Variants in SLIT3 observed in about 807,000 individuals in gnomAD.
SLIT3 encodes the protein slit guidance ligand 3.
SLIT3 carries 68 observed loss-of-function variants against 184.0 expected under a neutral mutation model. That is an observed-to-expected ratio of 0.37 (90% CI 0.30 to 0.45). The LOEUF is 0.45. SLIT3 is among the 20% of genes least tolerant of loss of function. The probability of loss-of-function intolerance (pLI) is 1.00; values close to 1 mark genes in which losing one functional copy is unlikely to be tolerated. For missense variants in SLIT3, 1,707 were observed against 2,026.0 expected (o/e 0.84, Z 3.02); for synonymous variants, 831 against 828.6 (o/e 1.00, Z -0.05).
chr5:168,757,473 C>G (rs766754078), intron 16 of SLIT3, among the ~76,000 whole-genome samples: 27 of 152,156 alleles, frequency 1.8e-4, no homozygotes, highest in Non-Finnish European at 2.8e-4. Context: ...TCACTCTGTC[C>G]CCCAAGCTAG....
At chr5:169,237,720 A>G (rs1480754994) in intron 3 of SLIT3, among the ~76,000 whole-genome samples, 1 of 152,124 alleles carries the variant, frequency 6.6e-6, no homozygotes, top group African/African-American at 2.4e-5. Context: ...TGAAGTGCCT[A>G]TTTGAATCTT....
chr5:169,110,834 C>T (rs558221883), intron 4 of SLIT3, among the ~76,000 whole-genome samples: 21 of 152,334 alleles, frequency 1.4e-4, no homozygotes, highest in African/African-American at 5.1e-4. Flanking sequence ...AGCCAACTGT[C>T]CACTTCCCAG....
In SLIT3 at chr5:169,174,768, C is replaced by G. The variant is rs373477094; in HGVS notation, c.413+18711G>C. On this transcript the variant is annotated intron_variant, in intron 4 of 35. Transcript: ENST00000519560. ...GAGCCAAGAGCTTTCCCAGTGTGAT[C>G]AAAAGAAAAAAAAAAGTGACAGCCT... 8.0e-5 allele frequency among the ~76,000 whole-genome samples: 12 copies of G among 150,924 alleles called. No individual in the cohort carries two copies. In the East Asian group the frequency reaches 2.1e-3, roughly 27 times the overall value.
intron 4 of SLIT3, among the ~76,000 whole-genome samples, chr5:169,010,786 C>T (rs927364754): frequency 5.9e-5 from 9 of 151,910 alleles, no homozygotes; most frequent in African/African-American, 1.9e-4. Context: ...GCCTGCAGTC[C>T]CAGCTACTTG....
chr5:169,080,451 G>A (rs1029988399), intron 4 of SLIT3, among the ~76,000 whole-genome samples: 1 of 152,204 alleles, frequency 6.6e-6, no homozygotes, highest in Non-Finnish European at 1.5e-5. Context: ...AAGGCAAGGA[G>A]TCTGCGGCTG....
intron 4 of SLIT3, among the ~76,000 whole-genome samples, chr5:169,179,089 A>C (rs959409470): frequency 6.6e-6 from 1 of 152,160 alleles, no homozygotes. Context: ...TTTGGAAAAC[A>C]TTAATATTTT....
At chr5:169,067,038 C>T (rs548265899) in intron 4 of SLIT3, among the ~76,000 whole-genome samples, 13 of 151,340 alleles carry the variant, frequency 8.6e-5, no homozygotes, top group Non-Finnish European at 1.2e-4. Context: ...GATTATTATT[C>T]GCTTCCTGTT....
intron 4 of SLIT3, among the ~76,000 whole-genome samples, chr5:168,966,939 T>A (rs1032155707): frequency 6.6e-6 from 1 of 152,194 alleles, no homozygotes; most frequent in Non-Finnish European, 1.5e-5. Context: ...ACATAACTTT[T>A]TATTTAAGAG....
At chr5:168,947,766 T>C (rs769216942) in intron 4 of SLIT3, among the ~76,000 whole-genome samples, 11 of 151,852 alleles carry the variant, frequency 7.2e-5, no homozygotes, top group Non-Finnish European at 1.5e-4. Context: ...GCCTGAAAGG[T>C]AGTTTTTTTG....
intron 16 of SLIT3, among the ~76,000 whole-genome samples, chr5:168,759,976 G>A (rs538995922): frequency 6.0e-4 from 91 of 152,326 alleles, no homozygotes; most frequent in Non-Finnish European, 1.1e-3. Flanking sequence ...GGGGGACCCC[G>A]CACGGAAGAT....
rs148702172 is a variant in SLIT3 at position 168,923,256 on chromosome 5, C to T, written c.414-39920G>A. 2.9e-3 allele frequency among the ~76,000 whole-genome samples: 449 copies of T among 152,238 alleles called. 3 individuals carry two copies. Among genetic ancestry groups the T allele is most frequent in the African/African-American group, 0.01 (426 of 41,552 alleles). On this transcript the variant is annotated intron_variant, in intron 4 of 35. Coordinates refer to ENST00000519560, the MANE Select transcript of SLIT3 (RefSeq NM_003062.4). Reference sequence around the variant, plus strand: ...GCAAGCTAAGCCCCAGAACATCCTACGAGCCACAGTTCTGGGCGTCAGTCT... The same window carrying T: ...GCAAGCTAAGCCCCAGAACATCCTATGAGCCACAGTTCTGGGCGTCAGTCT...
intron 1 of SLIT3, among the ~76,000 whole-genome samples, chr5:169,261,648 T>C (rs1489942464): frequency 1.3e-5 from 2 of 152,094 alleles, no homozygotes; most frequent in Non-Finnish European, 2.9e-5. Context: ...GGATAGACAG[T>C]AAAACAATAG....
chr5:169,142,522 G>A (rs1761782013), intron 4 of SLIT3, among the ~76,000 whole-genome samples: 1 of 152,178 alleles, frequency 6.6e-6, no homozygotes, highest in East Asian at 1.9e-4. Context: ...CAGTTCATTA[G>A]CTCTAAGACT....
At chr5:169,179,257 G>A (rs79055395) in intron 4 of SLIT3, among the ~76,000 whole-genome samples, 5,688 of 148,024 alleles carry the variant, frequency 0.038, 395 homozygotes, top group African/African-American at 0.13. Context: ...CAATAAATTA[G>A]TGAAACCTAT....
At chr5:168,783,479 G>A (rs17635052) in intron 12 of SLIT3, among the ~76,000 whole-genome samples, 5,153 of 152,226 alleles carry the variant, frequency 0.034, 156 homozygotes, top group Non-Finnish European at 0.05. Flanking sequence ...CTTTATTACC[G>A]CCAGCATCAC....
At chr5:169,157,218 C>G (rs913074100) in intron 4 of SLIT3, among the ~76,000 whole-genome samples, 2 of 151,978 alleles carry the variant, frequency 1.3e-5, no homozygotes. Flanking sequence ...GTCTTCCACG[C>G]CCACTTGGCA....
intron 4 of SLIT3, among the ~76,000 whole-genome samples, chr5:169,140,420 C>T (rs1398568315): frequency 7.9e-6 from 1 of 126,402 alleles, no homozygotes; most frequent in East Asian, 2.5e-4. Context: ...GCGGAGGTTG[C>T]AGTGAGCAGA....
intron 4 of SLIT3, among the ~76,000 whole-genome samples, chr5:168,926,548 T>G (rs1761829362): frequency 6.6e-6 from 1 of 152,242 alleles, no homozygotes; most frequent in Admixed American, 6.5e-5. Context: ...TCAATTCATC[T>G]TTCCTACCGG....
intron 4 of SLIT3, among the ~76,000 whole-genome samples, chr5:169,005,944 C>T (rs1305140657): frequency 6.6e-6 from 1 of 152,352 alleles, no homozygotes; most frequent in Non-Finnish European, 1.5e-5. Flanking sequence ...TATACTTTCC[C>T]CAAAATGCCC....
Sources: gnomAD v4.1 joint callset for allele counts (sites outside exome capture counted in the v4.1 genomes callset) on GRCh38, gnomAD v4.1.1 for gene constraint, MANE v1.5 for transcripts, NCBI Gene and HGNC (gene_info 2026-07-23, HGNC 2026-07-21) for gene names.